NBEA: variants seen among roughly 807,000 people sequenced by gnomAD.
NBEA encodes neurobeachin, also known as lysosomal-trafficking regulator 2.
NBEA carries 44 observed loss-of-function variants against 343.4 expected under a neutral mutation model. The observed-to-expected ratio is 0.13, with a 90% CI of 0.10 to 0.16. The LOEUF (loss-of-function observed/expected upper bound fraction) is 0.16. Among genes scored for constraint, NBEA ranks in the 10% least tolerant of loss-of-function variants. The probability of loss-of-function intolerance (pLI) is 1.00; values close to 1 mark genes in which losing one functional copy is unlikely to be tolerated. For missense variants in NBEA, 2,555 were observed against 3,631.3 expected, an observed-to-expected ratio of 0.70 and a Z score of 7.62; for synonymous variants, 1,175 against 1,238.7, an observed-to-expected ratio of 0.95 and a Z score of 1.08.
chr13:35,338,043 C>T (rs1457908773), intron 36 of NBEA, among the ~76,000 whole-genome samples: 1 of 151,600 alleles, frequency 6.6e-6, no homozygotes, highest in Non-Finnish European at 1.5e-5. Flanking sequence ...AACCTCCCCG[C>T]CCCCAACAGG....
chr13:35,632,294 G>A (rs1248404479), intron 49 of NBEA, among the ~76,000 whole-genome samples: 3 of 152,072 alleles, frequency 2.0e-5, no homozygotes, highest in African/African-American at 7.2e-5. Context: ...TAGTCCCATG[G>A]TTTTCTAACA....
chr13:35,430,855 A>G (rs2045059586), intron 38 of NBEA, among the ~76,000 whole-genome samples: 1 of 152,144 alleles, frequency 6.6e-6, no homozygotes, highest in African/African-American at 2.4e-5. Flanking sequence ...TATACTATTT[A>G]TTACTATTAT....
chr13:35,345,668 A>C (rs1457770969), intron 36 of NBEA, among the ~76,000 whole-genome samples: 1 of 152,112 alleles, frequency 6.6e-6, no homozygotes, highest in Non-Finnish European at 1.5e-5. Flanking sequence ...CAGGTAGATC[A>C]GGAATTAAGT....
At chr13:35,222,769 T>C (rs1195866902) in intron 33 of NBEA, among the ~76,000 whole-genome samples, 2 of 152,218 alleles carry the variant, frequency 1.3e-5, no homozygotes, top group Non-Finnish European at 2.9e-5. Flanking sequence ...AACAGTTTAC[T>C]CCTAATTCCT....
At chr13:35,173,142 TA>T (rs1460136322) in intron 26 of NBEA, among the ~76,000 whole-genome samples, 2 of 152,058 alleles carry the variant, frequency 1.3e-5, no homozygotes, top group African/African-American at 2.4e-5. Context: ...TATTGATCCA[TA>T]AATTCAGAAC....
intron 38 of NBEA, among the ~76,000 whole-genome samples, chr13:35,373,796 C>A (rs934748620): frequency 3.3e-5 from 5 of 151,808 alleles, no homozygotes; most frequent in African/African-American, 1.2e-4. Context: ...TCATAAAGGT[C>A]TTAATTTGTA....
intron 48 of NBEA, among the ~76,000 whole-genome samples, chr13:35,607,701 T>G (rs1410593970): frequency 1.3e-5 from 2 of 152,208 alleles, no homozygotes; most frequent in East Asian, 3.8e-4. Flanking sequence ...CCTCTTTTCT[T>G]AAAGAGCTTA....
At chr13:35,206,044 A>G (rs779843740) in intron 31 of NBEA, among the ~76,000 whole-genome samples, 27 of 152,074 alleles carry the variant, frequency 1.8e-4, no homozygotes, top group Non-Finnish European at 2.8e-4. Context: ...TTTGCAAGCA[A>G]TGAAATATCT....
intron 36 of NBEA, among the ~76,000 whole-genome samples, chr13:35,318,515 G>A (rs1039622426): frequency 6.6e-6 from 1 of 152,180 alleles, no homozygotes; most frequent in African/African-American, 2.4e-5. Flanking sequence ...GTATGTTATT[G>A]AGGATTTTTG....
At chr13:35,601,761 C>CAAAAAAAAAAAAAAAAAA (rs869213180) in intron 47 of NBEA, among the ~76,000 whole-genome samples, 2 of 114,930 alleles carry the variant, frequency 1.7e-5, no homozygotes, top group African/African-American at 7.3e-5. Flanking sequence ...GACTCCATCG[C>CAAAAAAAAAAAAAAAAAA]AAAAAAAAAA....
At chr13:35,036,010 T>A (rs1214386083) in intron 1 of NBEA, among the ~76,000 whole-genome samples, 2 of 152,060 alleles carry the variant, frequency 1.3e-5, no homozygotes, top group Non-Finnish European at 2.9e-5. Flanking sequence ...GTATTTACAT[T>A]CAATGTTATT....
intron 33 of NBEA, among the ~76,000 whole-genome samples, chr13:35,211,525 A>G (rs1015318176): frequency 6.6e-6 from 1 of 152,118 alleles, no homozygotes; most frequent in African/African-American, 2.4e-5. Context: ...TTAAAATATA[A>G]ACTTTCAGGC....
intron 41 of NBEA, among the ~76,000 whole-genome samples, chr13:35,501,489 C>T (rs2076887042): frequency 6.6e-6 from 1 of 151,982 alleles, no homozygotes; most frequent in Admixed American, 6.6e-5. Context: ...TGTTATTTTT[C>T]AAAGCTGTAG....
chr13:35,476,757 C>T, intron 41 of NBEA: 1 of 1,054,754 alleles, frequency 9.5e-7, no homozygotes, highest in South Asian at 3.5e-5. Context: ...CCAATCGCCA[C>T]TGGGCTCGTC....
rs551227411 is a variant in NBEA at position 35,384,401 on chromosome 13, A to C, written c.6179+32078A>C. 3.3e-5 allele frequency among the ~76,000 whole-genome samples: 5 copies of C among 152,280 alleles called. No homozygotes were observed. The South Asian group carries it at 1.0e-3, about 32-fold the overall frequency. On this transcript the variant is annotated intron_variant, in intron 38 of 58. Transcript: ENST00000379939. ...CTCCAAAAGTACGTTATATGTAATC[A>C]GAGGAGTGATTATTTCTTCAGTGGA...
At chr13:35,527,605 C>A (rs1472649619) in intron 41 of NBEA, among the ~76,000 whole-genome samples, 1 of 152,194 alleles carries the variant, frequency 6.6e-6, no homozygotes, top group Admixed American at 6.5e-5. Flanking sequence ...ACACACACAC[C>A]CGGCTGGGTC....
chr13:35,007,681 T>G (rs1176672905), intron 1 of NBEA, among the ~76,000 whole-genome samples: 1 of 152,084 alleles, frequency 6.6e-6, no homozygotes, highest in Non-Finnish European at 1.5e-5. Flanking sequence ...TTGGTGGAGA[T>G]GGGGCTTTAC....
intron 18 of NBEA, among the ~76,000 whole-genome samples, chr13:35,143,281 T>TA (rs2068198351): frequency 6.6e-6 from 1 of 152,232 alleles, no homozygotes; most frequent in Admixed American, 6.5e-5. Context: ...GAATATTTGT[T>TA]ATGCTCTCCT....
intron 44 of NBEA, among the ~76,000 whole-genome samples, chr13:35,562,689 G>A (rs1318269023): frequency 6.6e-6 from 1 of 152,044 alleles, no homozygotes; most frequent in African/African-American, 2.4e-5. Flanking sequence ...TGAACTGCTT[G>A]CTTCTAGAAA....
Sources: allele counts gnomAD v4.1 joint callset (sites outside exome capture counted in the v4.1 genomes callset), GRCh38; gene constraint gnomAD v4.1.1; transcripts MANE v1.5; gene names NCBI Gene and HGNC (gene_info 2026-07-23, HGNC 2026-07-21).